TMOD2: variants seen among roughly 807,000 people sequenced by gnomAD.
TMOD2 encodes the protein tropomodulin-2.
In TMOD2, 22 loss-of-function variants were observed where a neutral mutation model predicts 39.9. The ratio of observed to expected loss-of-function variants is 0.55; its 90% CI spans 0.39 to 0.79. The LOEUF (loss-of-function observed/expected upper bound fraction) is 0.79, where lower values mean the gene tolerates loss of function less well. Ranked by LOEUF, TMOD2 falls within the 30% of genes least tolerant of loss-of-function variation. The probability of loss-of-function intolerance (pLI) is 0.00; values close to 1 mark genes in which losing one functional copy is unlikely to be tolerated. For missense variants in TMOD2, 386 were observed against 413.3 expected (o/e 0.93, Z 0.57); for synonymous variants, 123 against 146.1 (o/e 0.84, Z 1.14).
intron 5 of TMOD2, among the ~76,000 whole-genome samples, chr15:51,778,603 G>T (rs2055906937): frequency 6.9e-6 from 1 of 144,714 alleles, no homozygotes; most frequent in Non-Finnish European, 1.5e-5. Context: ...TGTCAGTACA[G>T]TGTGATCCAT....
chr15:51,783,541 A>G (rs1447712227), intron 7 of TMOD2: 1 of 152,172 alleles, frequency 6.6e-6, no homozygotes, highest in African/African-American at 2.4e-5. Flanking sequence ...TATGTGTCTA[A>G]AATATCTTAG....
At chr15:51,787,202 C>A (rs1034802471) in intron 7 of TMOD2, among the ~76,000 whole-genome samples, 1 of 152,258 alleles carries the variant, frequency 6.6e-6, no homozygotes, top group Non-Finnish European at 1.5e-5. Context: ...GCAGGTCCCA[C>A]GCCCACAGAG....
chr15:51,753,620 TTA>T (rs755066644), intron 1 of TMOD2, among the ~76,000 whole-genome samples: 37 of 152,258 alleles, frequency 2.4e-4, no homozygotes, highest in Admixed American at 9.8e-4. Flanking sequence ...TTAGATGATA[TTA>T]TGGAATTGGT....
At chr15:51,801,285 C>CACACACACCCT (rs2056087884) in intron 8 of TMOD2, among the ~76,000 whole-genome samples, 1 of 83,002 alleles carries the variant, frequency 1.2e-5, no homozygotes, top group African/African-American at 6.0e-5. Flanking sequence ...ACACACACAC[C>CACACACACCCT]CTGTCTCTCT....
At chr15:51,778,328 G>T (rs1479206039) in intron 5 of TMOD2, among the ~76,000 whole-genome samples, 1 of 107,024 alleles carries the variant, frequency 9.3e-6, no homozygotes, top group Non-Finnish European at 1.8e-5. Flanking sequence ...ACACTCTGGG[G>T]ACTGTTGTGG....
chr15:51,759,807 G>C (rs558327796), intron 1 of TMOD2, among the ~76,000 whole-genome samples: 2 of 152,180 alleles, frequency 1.3e-5, no homozygotes, highest in African/African-American at 4.8e-5. Context: ...TTACAAAGAT[G>C]GGGGGAGGAT....
intron 7 of TMOD2, among the ~76,000 whole-genome samples, chr15:51,786,837 G>A (rs1182272014): frequency 6.6e-6 from 1 of 152,206 alleles, no homozygotes; most frequent in African/African-American, 2.4e-5. Context: ...CTGTTTATTG[G>A]AAATAAAACG....
At chr15:51,755,644 G>C (rs1442310995) in intron 1 of TMOD2, among the ~76,000 whole-genome samples, 1 of 152,122 alleles carries the variant, frequency 6.6e-6, no homozygotes, top group African/African-American at 2.4e-5. Flanking sequence ...CTATTCAAGC[G>C]GTGTGCATGG....
chr15:51,782,810 C>A lies in TMOD2; in HGVS notation c.714C>A (p.Ser238Arg), dbSNP rs768427051. The A allele has an allele frequency of 3.1e-6, 5 of 1,613,948 alleles. No homozygotes were observed. Among genetic ancestry groups the A allele is most frequent in the Non-Finnish European group, 4.2e-6 (5 of 1,179,872 alleles). The change falls in exon 7 of 10, where the codon AGC becomes AGA. Residue 238 changes from serine to arginine, a missense_variant. Transcript: ENST00000249700. ...AGTTCAGCCTGGCCGCAACTCGCAG[C>A]AATGACCCTGTGGCCATTGTGAGTA... ...VKKFSLAATR[S>R]NDPVAIAFAD...
chr15:51,808,684 C>T lies in TMOD2; in HGVS notation c.*230C>T, dbSNP rs1023781644. On this transcript the variant is annotated 3_prime_UTR_variant, in exon 10 of 10. Transcript: ENST00000249700. ...ACTTCTGGCAACTTGACAAATGGAC[C>T]GATGCAGATTTTAGAGAGTGACGAC... 2.4e-5 allele frequency: 9 copies of T among 377,296 alleles called. No homozygotes were observed. The highest frequency in any genetic ancestry group is 4.5e-5 in the Admixed American group (1 of 22,080). 23.4% of individuals were successfully genotyped at this position (377,296 alleles called of 1,614,324 possible).
chr15:51,782,855 A>G, intron 7 of TMOD2, 27 bp downstream of exon 7: 3 of 1,579,580 alleles, frequency 1.9e-6, no homozygotes, highest in African/African-American at 1.3e-5. Context: ...GAAATATAAC[A>G]TGAAGTTATT....
chr15:51,782,516 G>A (rs1419289114), intron 6 of TMOD2, among the ~76,000 whole-genome samples: 1 of 152,236 alleles, frequency 6.6e-6, no homozygotes, highest in Non-Finnish European at 1.5e-5. Flanking sequence ...TACCATAGTG[G>A]TAGTTTAGAT....
intron 3 of TMOD2, among the ~76,000 whole-genome samples, chr15:51,773,321 G>T (rs1160979529): frequency 2.0e-5 from 3 of 152,174 alleles, no homozygotes; most frequent in Non-Finnish European, 4.4e-5. Context: ...TTGGCCTCAT[G>T]GTTCCTCCCC....
At chr15:51,806,351 G>T (rs754457666) in intron 8 of TMOD2, 26 bp from the exon 9 acceptor site, 10 of 1,613,266 alleles carry the variant, frequency 6.2e-6, no homozygotes, top group Non-Finnish European at 8.5e-6. Flanking sequence ...TGGTCATCCT[G>T]TGCATGTGTC....
chr15:51,785,594 C>T (rs915840327), intron 7 of TMOD2, among the ~76,000 whole-genome samples: 1 of 151,800 alleles, frequency 6.6e-6, no homozygotes, highest in African/African-American at 2.4e-5. Context: ...ATAGCATGTT[C>T]TCACTTACAT....
intron 1 of TMOD2, among the ~76,000 whole-genome samples, chr15:51,765,573 T>G (rs2055810931): frequency 6.6e-6 from 1 of 152,216 alleles, no homozygotes; most frequent in African/African-American, 2.4e-5. Flanking sequence ...GAGTATTATC[T>G]TTCTAAGGAA....
intron 6 of TMOD2, 32 bp downstream of exon 6, chr15:51,781,206 A>G (rs775197454): frequency 1.9e-6 from 3 of 1,571,946 alleles, no homozygotes; most frequent in Non-Finnish European, 2.6e-6. Flanking sequence ...CAGTCAGTTA[A>G]TTTATCATGA....
intron 1 of TMOD2, among the ~76,000 whole-genome samples, chr15:51,752,182 T>G (rs1323631157): frequency 6.6e-6 from 1 of 152,116 alleles, no homozygotes; most frequent in East Asian, 1.9e-4. Flanking sequence ...GCGTCTTTCC[T>G]GAGATCGCTG....
intron 3 of TMOD2, among the ~76,000 whole-genome samples, chr15:51,769,876 A>T (rs1239115313): frequency 6.6e-6 from 1 of 152,092 alleles, no homozygotes; most frequent in Non-Finnish European, 1.5e-5. Context: ...CTCTAAAAAA[A>T]TACAAAAATT....
Sources: allele counts gnomAD v4.1 joint callset (sites outside exome capture counted in the v4.1 genomes callset), GRCh38; gene constraint gnomAD v4.1.1; transcripts MANE v1.5; gene names NCBI Gene and HGNC (gene_info 2026-07-23, HGNC 2026-07-21).